The following CNTNAP2 variants were observed in gnomAD, a reference collection of about 807,000 sequenced individuals.
The protein encoded by CNTNAP2 is contactin-associated protein-like 2.
Under a neutral mutation model 155.2 loss-of-function variants are expected in CNTNAP2, and 98 were observed. The observed-to-expected ratio is 0.63, with a 90% CI of 0.54 to 0.75. CNTNAP2 has a LOEUF of 0.75. Among genes scored for constraint, CNTNAP2 ranks in the 30% least tolerant of loss-of-function variants. The pLI is 0.00. For synonymous variants in CNTNAP2, 651 were observed against 631.2 expected (o/e 1.03, Z -0.47); for missense variants, 1,727 against 1,688.1 (o/e 1.02, Z -0.40).
intron 2 of CNTNAP2, among the ~76,000 whole-genome samples, chr7:146,825,409 A>C (rs534231306): frequency 6.6e-6 from 1 of 152,264 alleles, no homozygotes; most frequent in East Asian, 1.9e-4. Context: ...GTGTGTAGCA[A>C]GTGCCAGCCA....
chr7:146,682,586 G>A (rs542029071), intron 1 of CNTNAP2, among the ~76,000 whole-genome samples: 1 of 152,256 alleles, frequency 6.6e-6, no homozygotes, highest in Admixed American at 6.5e-5. Context: ...ACATACCAGA[G>A]AAGAGGTGAG....
chr7:147,017,043 A>AT (rs914887042), intron 3 of CNTNAP2, among the ~76,000 whole-genome samples: 1 of 151,936 alleles, frequency 6.6e-6, no homozygotes, highest in African/African-American at 2.4e-5. Context: ...AAAAAAAAAA[A>AT]AAGAAATCAA....
At chr7:146,753,711 C>T (rs537610837) in intron 1 of CNTNAP2, among the ~76,000 whole-genome samples, 2 of 152,058 alleles carry the variant, frequency 1.3e-5, no homozygotes, top group African/African-American at 4.8e-5. Context: ...ACCATTTTCA[C>T]CTGTGTTTAT....
intron 1 of CNTNAP2, among the ~76,000 whole-genome samples, chr7:146,626,686 A>T (rs1799425076): frequency 6.6e-6 from 1 of 152,206 alleles, no homozygotes; most frequent in Admixed American, 6.6e-5. Context: ...GATCAAAGTC[A>T]TAAAAAGTAA....
Position 146,485,686 on chromosome 7 carries a change from G to A in CNTNAP2, c.98-288585G>A, listed in dbSNP as rs563292912. ...CATCCAAGCTGGAGTGCAGTGGTGC[G>A]ATCTTGGCTCACTGCAGCCTCCACC... is the stretch of plus-strand genomic sequence containing the variant. On this transcript the variant is annotated intron_variant, in intron 1 of 23. Coordinates refer to ENST00000361727, the MANE Select transcript of CNTNAP2 (RefSeq NM_014141.6). Among the ~76,000 whole-genome samples, 11 of 152,054 alleles carry A rather than the reference G, an allele frequency of 7.2e-5. 1 individual carries two copies. The South Asian group carries it at 2.3e-3, about 32-fold the overall frequency.
chr7:146,968,831 G>T (rs1418790658), intron 3 of CNTNAP2, among the ~76,000 whole-genome samples: 2 of 146,670 alleles, frequency 1.4e-5, no homozygotes, highest in African/African-American at 2.6e-5. Context: ...TCTGATTTTA[G>T]TTATTTCTTG....
Position 147,638,955 on chromosome 7 carries a change from G to A in CNTNAP2, c.1898-151G>A, listed in dbSNP as rs1795229487. The A allele has an allele frequency of 1.0e-5, 8 of 802,696 alleles. No homozygotes were observed. In the South Asian group the frequency reaches 1.1e-4, roughly 11 times the overall value. The allele number at this position is 802,696 out of a possible 1,614,324, so 49.7% of individuals were successfully genotyped here. A position where few individuals can be genotyped will look rare whatever the true frequency, so the allele number is the denominator to read the frequency against. On this transcript the variant is annotated intron_variant, in intron 12 of 23. Transcript: ENST00000361727. ...TAAGCAGAACTTAGGGATGAGCAAAGAGCAGGGGGTTTTAAGGATTGCTCT... is the reference window on the plus strand; with the variant it reads ...TAAGCAGAACTTAGGGATGAGCAAAAAGCAGGGGGTTTTAAGGATTGCTCT...
chr7:147,579,219 T>A (rs1800452552), intron 12 of CNTNAP2, among the ~76,000 whole-genome samples: 1 of 152,110 alleles, frequency 6.6e-6, no homozygotes, highest in African/African-American at 2.4e-5. Context: ...TGTGAATCGT[T>A]TCCCAGACTT....
intron 13 of CNTNAP2, among the ~76,000 whole-genome samples, chr7:147,773,580 C>G (rs1198139918): frequency 6.6e-6 from 1 of 152,166 alleles, no homozygotes; most frequent in Admixed American, 6.5e-5. Flanking sequence ...TAATTCTGCT[C>G]TCTCAATTTT....
intron 1 of CNTNAP2, among the ~76,000 whole-genome samples, chr7:146,714,596 A>G (rs1404520185): frequency 4.6e-5 from 7 of 152,342 alleles, no homozygotes; most frequent in Admixed American, 4.6e-4. Context: ...CTTGAAGTGT[A>G]TACCTATAGG....
chr7:146,701,308 G>A (rs889648523), intron 1 of CNTNAP2, among the ~76,000 whole-genome samples: 32 of 152,038 alleles, frequency 2.1e-4, no homozygotes, highest in Non-Finnish European at 2.9e-4. Flanking sequence ...AACCCTTCCC[G>A]AGAGTCTTAG....
intron 1 of CNTNAP2, among the ~76,000 whole-genome samples, chr7:146,703,691 C>T (rs1433577279): frequency 6.6e-6 from 1 of 152,024 alleles, no homozygotes; most frequent in East Asian, 1.9e-4. Flanking sequence ...AAAACGAGCT[C>T]CCTCAGGTCT....
chr7:147,924,282 G>T (rs922340348), intron 14 of CNTNAP2, among the ~76,000 whole-genome samples: 1 of 151,780 alleles, frequency 6.6e-6, no homozygotes, highest in Non-Finnish European at 1.5e-5. Flanking sequence ...GGGATTACAG[G>T]CATGTACCAC....
chr7:147,047,614 A>C (rs998356345), intron 4 of CNTNAP2, among the ~76,000 whole-genome samples: 1 of 152,112 alleles, frequency 6.6e-6, no homozygotes, highest in Non-Finnish European at 1.5e-5. Context: ...TTTTTTTAAC[A>C]ATAATAATTT....
chr7:148,357,464 C>G (rs1798538907), intron 21 of CNTNAP2, among the ~76,000 whole-genome samples: 1 of 152,182 alleles, frequency 6.6e-6, no homozygotes, highest in Non-Finnish European at 1.5e-5. Context: ...AAAGGCCCAT[C>G]TCCCTCTCCC....
chr7:147,342,418 T>C (rs755704795), intron 9 of CNTNAP2, among the ~76,000 whole-genome samples: 7 of 152,198 alleles, frequency 4.6e-5, no homozygotes, highest in Non-Finnish European at 8.8e-5. Flanking sequence ...ATGATAATAA[T>C]GTTACATTGC....
At chr7:146,563,066 C>G (rs1302091628) in intron 1 of CNTNAP2, among the ~76,000 whole-genome samples, 1 of 152,112 alleles carries the variant, frequency 6.6e-6, no homozygotes, top group Non-Finnish European at 1.5e-5. Context: ...GTTGCACACA[C>G]AGAATTTTAA....
intron 1 of CNTNAP2, among the ~76,000 whole-genome samples, chr7:146,682,551 G>C (rs562938106): frequency 6.6e-6 from 1 of 152,140 alleles, no homozygotes; most frequent in Non-Finnish European, 1.5e-5. Flanking sequence ...GGTTGCACAC[G>C]TATCACTGGG....
chr7:147,061,872 C>T (rs1450605415), intron 4 of CNTNAP2, among the ~76,000 whole-genome samples: 1 of 152,060 alleles, frequency 6.6e-6, no homozygotes, highest in Non-Finnish European at 1.5e-5. Context: ...CGGTGGCTCA[C>T]GCCTGTAATC....
Sources: allele counts gnomAD v4.1 joint callset (sites outside exome capture counted in the v4.1 genomes callset), GRCh38; gene constraint gnomAD v4.1.1; transcripts MANE v1.5; gene names NCBI Gene and HGNC (gene_info 2026-07-23, HGNC 2026-07-21).